Variants in NUBPL observed in about 807,000 individuals in gnomAD.
NUBPL encodes iron-sulfur cluster transfer protein NUBPL.
In NUBPL, 31 loss-of-function variants were observed where a neutral mutation model predicts 45.7. That is an observed-to-expected ratio of 0.68 (90% CI 0.51 to 0.92). The LOEUF is 0.92. Among genes scored for constraint, NUBPL ranks in the 40% least tolerant of loss-of-function variants. NUBPL has a pLI of 0.00. For synonymous variants in NUBPL, 144 were observed against 140.9 expected (o/e 1.02, Z -0.15); for missense variants, 401 against 398.7 (o/e 1.01, Z -0.05).
chr14:31,569,879 T>C (rs2033535419), intron 3 of NUBPL, among the ~76,000 whole-genome samples: 1 of 152,198 alleles, frequency 6.6e-6, no homozygotes, highest in Non-Finnish European at 1.5e-5. Context: ...TATTTTTTGA[T>C]TTTTCTTTTT....
rs763348422 is a variant in NUBPL at position 31,638,105 on chromosome 14, T to C, written c.383-35250T>C. ...CCATTTACATTTAAAGTTAATATTG[T>C]TATGTGTGAATTTGATCCTGTCATT... is the stretch of plus-strand genomic sequence containing the variant. On this transcript the variant is annotated intron_variant, in intron 4 of 10. Coordinates refer to ENST00000281081, the MANE Select transcript of NUBPL (RefSeq NM_025152.3). Among the ~76,000 whole-genome samples, 355 of 152,238 alleles carry C rather than the reference T, an allele frequency of 2.3e-3. 3 individuals carry two copies. The highest frequency in any genetic ancestry group is 0.01 in the Middle Eastern group (3 of 294).
At chr14:31,561,576 C>T (rs746249360) in intron 1 of NUBPL, 29 bp downstream of exon 1, 7 of 1,306,768 alleles carry the variant, frequency 5.4e-6, no homozygotes, top group Non-Finnish European at 6.9e-6. Flanking sequence ...CAGGGGGAAG[C>T]GGGCTGACAG....
intron 6 of NUBPL, among the ~76,000 whole-genome samples, chr14:31,682,619 T>G (rs572112674): frequency 6.6e-6 from 1 of 152,362 alleles, no homozygotes; most frequent in South Asian, 2.1e-4. Context: ...AATGAAATAT[T>G]TCTTGAATTC....
intron 6 of NUBPL, among the ~76,000 whole-genome samples, chr14:31,700,939 G>A (rs535482269): frequency 2.0e-5 from 3 of 152,268 alleles, no homozygotes; most frequent in South Asian, 2.1e-4. Flanking sequence ...GTGCAGGTGC[G>A]CGGCGCGGGA....
chr14:31,803,848 A>G (rs560354699), intron 7 of NUBPL, among the ~76,000 whole-genome samples: 4 of 152,190 alleles, frequency 2.6e-5, no homozygotes, highest in Non-Finnish European at 5.9e-5. Flanking sequence ...CCCTGGTTAG[A>G]TTGGGAATCA....
At chr14:31,631,652 T>C (rs767208105) in intron 4 of NUBPL, among the ~76,000 whole-genome samples, 5 of 152,064 alleles carry the variant, frequency 3.3e-5, no homozygotes, top group Non-Finnish European at 7.3e-5. Flanking sequence ...GCCAATGATA[T>C]AAGTTTTAGG....
chr14:31,708,754 T>C (rs1337836660), intron 6 of NUBPL, among the ~76,000 whole-genome samples: 1 of 152,192 alleles, frequency 6.6e-6, no homozygotes, highest in Admixed American at 6.5e-5. Context: ...TGACATGAGC[T>C]GGCGCTTGTT....
At chr14:31,813,466 CAT>C (rs1349625045) in intron 7 of NUBPL, among the ~76,000 whole-genome samples, 20 of 147,268 alleles carry the variant, frequency 1.4e-4, no homozygotes, top group Non-Finnish European at 3.0e-5. Flanking sequence ...CACACACACA[CAT>C]ACATACATAT....
At chr14:31,839,593 C>A (rs114143598) in intron 8 of NUBPL, among the ~76,000 whole-genome samples, 1 of 152,056 alleles carries the variant, frequency 6.6e-6, no homozygotes, top group African/African-American at 2.4e-5. Flanking sequence ...CAAAAATAGA[C>A]AAATAGGATT....
chr14:31,809,465 A>C (rs976078202), intron 7 of NUBPL, among the ~76,000 whole-genome samples: 6 of 151,694 alleles, frequency 4.0e-5, no homozygotes, highest in Non-Finnish European at 8.8e-5. Context: ...TGGTGATATC[A>C]CCTTTATCAT....
intron 3 of NUBPL, among the ~76,000 whole-genome samples, chr14:31,590,541 C>A (rs1595332801): frequency 6.6e-6 from 1 of 152,298 alleles, no homozygotes; most frequent in Non-Finnish European, 1.5e-5. Flanking sequence ...AATTGCTTTT[C>A]TTTAGAAGAG....
chr14:31,729,389 C>T (rs1012651615), intron 6 of NUBPL, among the ~76,000 whole-genome samples: 1 of 149,418 alleles, frequency 6.7e-6, no homozygotes, highest in African/African-American at 2.5e-5. Flanking sequence ...TTATAGGTGA[C>T]ATATAAGTAA....
intron 3 of NUBPL, among the ~76,000 whole-genome samples, chr14:31,574,385 C>T (rs1342609808): frequency 6.6e-6 from 1 of 150,676 alleles, no homozygotes; most frequent in African/African-American, 2.4e-5. Flanking sequence ...GTACCTCAGC[C>T]TCCTGAGTAG....
chr14:31,832,313 A>C (rs1188743264), intron 8 of NUBPL, among the ~76,000 whole-genome samples: 2 of 152,308 alleles, frequency 1.3e-5, no homozygotes, highest in African/African-American at 4.8e-5. Flanking sequence ...AAATGAATGT[A>C]ATTGACATTT....
Position 31,781,377 on chromosome 14 carries a change from C to T in NUBPL, c.514-6403C>T, listed in dbSNP as rs114087259. On this transcript the variant is annotated intron_variant, in intron 6 of 10. Transcript: ENST00000281081. ...CATGAAATAATTCAGACATTTAAGG[C>T]CTGGTTACATGAAACAGTGCAGACA... Among the ~76,000 whole-genome samples the T allele has an allele frequency of 6.6e-3, 999 of 152,294 alleles. 12 individuals carry two copies. The highest frequency in any genetic ancestry group is 0.023 in the African/African-American group (936 of 41,564).
intron 4 of NUBPL, among the ~76,000 whole-genome samples, chr14:31,639,251 C>T (rs1333040876): frequency 1.3e-5 from 2 of 152,222 alleles, no homozygotes; most frequent in East Asian, 1.9e-4. Context: ...TGGTGATGTA[C>T]AGATGGGTTT....
intron 8 of NUBPL, among the ~76,000 whole-genome samples, chr14:31,838,726 T>C (rs2040323515): frequency 6.6e-6 from 1 of 152,204 alleles, no homozygotes; most frequent in Admixed American, 6.5e-5. Context: ...ATGGAAAAGG[T>C]TAAAAATAAA....
chr14:31,682,244 G>A (rs1258873248), intron 6 of NUBPL, among the ~76,000 whole-genome samples: 1 of 152,032 alleles, frequency 6.6e-6, no homozygotes, highest in Non-Finnish European at 1.5e-5. Flanking sequence ...TATTCGTGGT[G>A]AATTTGCCCT....
At chr14:31,596,097 G>A (rs570154343) in intron 3 of NUBPL, among the ~76,000 whole-genome samples, 1 of 151,798 alleles carries the variant, frequency 6.6e-6, no homozygotes, top group East Asian at 1.9e-4. Context: ...TAGTAGAGAC[G>A]GGGTTTCACC....
Sources: gnomAD v4.1 joint callset for allele counts (sites outside exome capture counted in the v4.1 genomes callset) on GRCh38, gnomAD v4.1.1 for gene constraint, MANE v1.5 for transcripts, NCBI Gene and HGNC (gene_info 2026-07-23, HGNC 2026-07-21) for gene names.